ATP13A4: variants seen among roughly 807,000 people sequenced by gnomAD.
The protein encoded by ATP13A4 is probable cation-transporting ATPase 13A4.
Under a neutral mutation model 142.5 loss-of-function variants are expected in ATP13A4, and 114 were observed. That is an observed-to-expected ratio of 0.80 (90% CI 0.69 to 0.93). The LOEUF is 0.93. Among genes scored for constraint, ATP13A4 ranks in the 40% least tolerant of loss-of-function variants. ATP13A4 has a pLI of 0.00. For synonymous variants in ATP13A4, 488 were observed against 514.8 expected (o/e 0.95, Z 0.70); for missense variants, 1,392 against 1,454.0 (o/e 0.96, Z 0.69).
rs180869111 is a variant in ATP13A4 at position 193,412,039 on chromosome 3, G to A, written c.3208+139C>T. 5.0e-4 allele frequency: 372 copies of A among 740,372 alleles called. 3 individuals are homozygous for A. The East Asian group carries it at 9.7e-3, about 19-fold the overall frequency. 45.9% of individuals were successfully genotyped at this position (740,372 alleles called of 1,614,324 possible). A position where few individuals can be genotyped will look rare whatever the true frequency, so the allele number is the denominator to read the frequency against. On this transcript the variant is annotated intron_variant, in intron 27 of 29. Transcript: ENST00000342695. The stretch of plus-strand genomic sequence containing the variant: ...AACCGTGAAAATGAGGCTGTACGAT[G>A]TGTTTTGCAGAGTCCTAGAGTGGAA...
chr3:193,418,075 T>G (rs1439120843), intron 25 of ATP13A4, among the ~76,000 whole-genome samples: 5 of 96,896 alleles, frequency 5.2e-5, no homozygotes, highest in Non-Finnish European at 7.4e-5. Flanking sequence ...TGAGCCGAGA[T>G]CCCGCCACTG....
rs1192458192 is a variant in ATP13A4 at position 193,464,414 on chromosome 3, G to A, written c.1461+526C>T. ...AGACGGTAGAATACGAGGCTGGTTGGGAATAACTGGCAAATAATCAAGGGT... is the reference window on the plus strand; with the variant it reads ...AGACGGTAGAATACGAGGCTGGTTGAGAATAACTGGCAAATAATCAAGGGT... On this transcript the variant is annotated intron_variant, in intron 12 of 29. Transcript: ENST00000342695. 3.2e-4 allele frequency among the ~76,000 whole-genome samples: 48 copies of A among 152,250 alleles called. 1 individual carries two copies. The highest frequency in any genetic ancestry group is 3.1e-3 in the Admixed American group (47 of 15,284).
At chr3:193,527,610 TAA>T (rs749744484) in intron 1 of ATP13A4, among the ~76,000 whole-genome samples, 73 of 127,350 alleles carry the variant, frequency 5.7e-4, no homozygotes, top group Non-Finnish European at 5.1e-4. Flanking sequence ...AGGCTCCATC[TAA>T]AAAAAAAAAA....
rs1229145689 is a variant in ATP13A4 at position 193,573,308 on chromosome 3, C to CTTATAT, written n.291+8398_291+8399insATATAA. ...ATATATACACATATATATATATATA[C>CTTATAT]ATATATATATATATATATAATTTGT... On this transcript the variant is annotated intron_variant and non_coding_transcript_variant, in intron 2 of 3. Coordinates refer to the ATP13A4 transcript ENST00000489140. 8.0e-4 allele frequency among the ~76,000 whole-genome samples: 83 copies of CTTATAT among 103,644 alleles called. 2 individuals carry two copies. Among genetic ancestry groups the CTTATAT allele is most frequent in the African/African-American group, 3.1e-3 (65 of 21,164 alleles). The allele number at this position is 103,644 out of a possible 152,430, so 68.0% of individuals were successfully genotyped here. A position where few individuals can be genotyped will look rare whatever the true frequency, so the allele number is the denominator to read the frequency against.
intron 6 of ATP13A4, among the ~76,000 whole-genome samples, chr3:193,490,288 T>C (rs2108663796): frequency 6.6e-6 from 1 of 152,338 alleles, no homozygotes; most frequent in Non-Finnish European, 1.5e-5. Flanking sequence ...ACAATAGTTA[T>C]TTAAGGAGTA....
chr3:193,420,856 C>T lies in ATP13A4; in HGVS notation c.2843-6106G>A, dbSNP rs961339603. 9.4e-5 allele frequency among the ~76,000 whole-genome samples: 14 copies of T among 149,088 alleles called. 1 individual carries two copies. The highest frequency in any genetic ancestry group is 3.2e-4 in the African/African-American group (13 of 40,532). On this transcript the variant is annotated intron_variant, in intron 25 of 29. Transcript: ENST00000342695. ...TGGAGCTAGGTCTTTTGAAATTACC[C>T]AGTCAGAGGAAGCAAAGAAAAAATG...
At chr3:193,406,405 T>C (rs1471697278) in intron 29 of ATP13A4, among the ~76,000 whole-genome samples, 4 of 152,194 alleles carry the variant, frequency 2.6e-5, no homozygotes, top group East Asian at 1.9e-4. Context: ...ATAATTCTAG[T>C]TCTGTATCCC....
At chr3:193,447,025 T>A (rs879420062) in intron 18 of ATP13A4, among the ~76,000 whole-genome samples, 8 of 151,964 alleles carry the variant, frequency 5.3e-5, no homozygotes, top group Non-Finnish European at 1.2e-4. Context: ...CTTCATTCCA[T>A]CCAAGGACAA....
intron 1 of ATP13A4, among the ~76,000 whole-genome samples, chr3:193,582,084 C>CATATATATATATAT (rs71912541): frequency 1.8e-4 from 8 of 43,588 alleles, no homozygotes; most frequent in Admixed American, 2.2e-4. Context: ...AAAAGACTTC[C>CATATATATATATAT]ATATATATAT....
chr3:193,536,328 T>G (rs926208010), intron 1 of ATP13A4, among the ~76,000 whole-genome samples: 8 of 151,976 alleles, frequency 5.3e-5, no homozygotes, highest in Non-Finnish European at 4.4e-5. Flanking sequence ...CAAAACGACT[T>G]CAGCCACACA....
chr3:193,530,462 C>A (rs958958744), intron 1 of ATP13A4, among the ~76,000 whole-genome samples: 7 of 152,160 alleles, frequency 4.6e-5, no homozygotes, highest in Non-Finnish European at 8.8e-5. Flanking sequence ...CTAGACATTC[C>A]CTTTAATATT....
At chr3:193,459,806 C>A (rs1227294514) in intron 13 of ATP13A4, among the ~76,000 whole-genome samples, 1 of 152,144 alleles carries the variant, frequency 6.6e-6, no homozygotes, top group East Asian at 1.9e-4. Flanking sequence ...CATATCCCAA[C>A]CATTATCCCC....
intron 12 of ATP13A4, among the ~76,000 whole-genome samples, chr3:193,463,107 C>T (rs184840162): frequency 6.6e-6 from 1 of 152,176 alleles, no homozygotes; most frequent in Non-Finnish European, 1.5e-5. Context: ...AGGAGGGGCA[C>T]AATGGGTGGG....
chr3:193,458,893 A>G, intron 14 of ATP13A4, 188 bp downstream of exon 14: 1 of 734,908 alleles, frequency 1.4e-6, no homozygotes, highest in Non-Finnish European at 2.4e-6. Context: ...CAATCTCATT[A>G]TGTAGATGCT....
chr3:193,549,961 T>G (rs529290164), intron 1 of ATP13A4, among the ~76,000 whole-genome samples: 4 of 152,252 alleles, frequency 2.6e-5, no homozygotes, highest in Admixed American at 6.5e-5. Flanking sequence ...ACAATATTCA[T>G]GTTGTTTTTC....
In ATP13A4 at chr3:193,554,891, T is replaced by C. The variant is rs1723822327; in HGVS notation, c.-92A>G. 1 of 1,611,908 alleles carries C rather than the reference T, an allele frequency of 6.2e-7. No homozygotes were observed. Among genetic ancestry groups the C allele is most frequent in the African/African-American group, 1.3e-5 (1 of 74,850 alleles). ...CGCCGAGCCACCGCAGCTCCTCAGC[T>C]GACTAAAAGAGTTAATGATCCTCCA... On this transcript the variant is annotated 5_prime_UTR_variant, in exon 1 of 30. Coordinates refer to ENST00000342695, the MANE Select transcript of ATP13A4 (RefSeq NM_032279.4).
At position 193,402,601 on chromosome 3, in the gene ATP13A4, T is replaced by C; in HGVS notation, c.*51A>G. ...CATTTCTTAAAATCAATGAAACTGG[T>C]CCCTTTTGTCATTGTTTCTCTGTAA... On this transcript the variant is annotated 3_prime_UTR_variant, in exon 30 of 30. Transcript: ENST00000342695. 1.3e-6 allele frequency: 1 copy of C among 790,376 alleles called. No individual in the cohort carries two copies. The highest frequency in any genetic ancestry group is 2.3e-6 in the Non-Finnish European group (1 of 428,700). 49.0% of individuals were successfully genotyped at this position (790,376 alleles called of 1,614,324 possible).
chr3:193,462,954 G>T, intron 12 of ATP13A4, 131 bp from the exon 13 acceptor site: 1 of 848,298 alleles, frequency 1.2e-6, no homozygotes, highest in Non-Finnish European at 1.9e-6. Flanking sequence ...AGACCAGCCT[G>T]GGCAACATAA....
At chr3:193,513,611 G>T (rs1295831530) in intron 2 of ATP13A4, among the ~76,000 whole-genome samples, 1 of 152,222 alleles carries the variant, frequency 6.6e-6, no homozygotes, top group Non-Finnish European at 1.5e-5. Context: ...GAAGCTGACA[G>T]TCCCGCAGGG....
Sources: allele counts gnomAD v4.1 joint callset (sites outside exome capture counted in the v4.1 genomes callset), GRCh38; gene constraint gnomAD v4.1.1; transcripts MANE v1.5; gene names NCBI Gene and HGNC (gene_info 2026-07-23, HGNC 2026-07-21).